The following PHF14 variants were observed in gnomAD, a reference collection of about 807,000 sequenced individuals.
PHF14 encodes PHD finger protein 14.
A neutral mutation model predicts 117.9 loss-of-function variants in PHF14; 55 were observed. The observed-to-expected ratio is 0.47, with a 90% CI of 0.38 to 0.58. The LOEUF is 0.58. PHF14 is among the 20% of genes least tolerant of loss of function. PHF14 has a pLI of 0.00. For missense variants in PHF14, 978 were observed against 1,122.2 expected, an observed-to-expected ratio of 0.87 and a Z score of 1.84; for synonymous variants, 409 against 368.6, an observed-to-expected ratio of 1.11 and a Z score of -1.26.
intron 4 of PHF14, among the ~76,000 whole-genome samples, chr7:11,007,205 AGAAAG>A (rs1254723491): frequency 6.6e-6 from 1 of 152,088 alleles, no homozygotes; most frequent in Non-Finnish European, 1.5e-5. Context: ...CAAAAAAAAA[AGAAAG>A]AAAAGAAAAG....
chr7:11,024,163 A>C (rs1159976882), intron 6 of PHF14, among the ~76,000 whole-genome samples: 1 of 152,198 alleles, frequency 6.6e-6, no homozygotes, highest in African/African-American at 2.4e-5. Flanking sequence ...ACATTCCCTT[A>C]AGCCAAAACC....
intron 16 of PHF14, among the ~76,000 whole-genome samples, chr7:11,065,785 T>C (rs951649681): frequency 1.3e-5 from 2 of 152,140 alleles, no homozygotes; most frequent in African/African-American, 4.8e-5. Flanking sequence ...AAACCTCAAA[T>C]TTTATCTTAA....
intron 16 of PHF14, among the ~76,000 whole-genome samples, chr7:11,068,841 A>G (rs751047005): frequency 1.3e-5 from 2 of 152,152 alleles, no homozygotes; most frequent in Non-Finnish European, 1.5e-5. Flanking sequence ...GCATCTTTCA[A>G]TTTATGATCA....
chr7:11,025,217 C>T (rs1259996910), intron 6 of PHF14, among the ~76,000 whole-genome samples: 1 of 152,120 alleles, frequency 6.6e-6, no homozygotes, highest in Non-Finnish European at 1.5e-5. Flanking sequence ...AAAATTTGAA[C>T]AGATGAGAAG....
rs1321671617 is a variant in PHF14 at position 11,028,311 on chromosome 7, ATTG to A, written c.1318-367_1318-365del. On this transcript the variant is annotated intron_variant, in intron 6 of 17. Coordinates refer to ENST00000634607, the MANE Select transcript of PHF14 (RefSeq NM_001007157.2). Reference sequence around the variant, plus strand: ...AAAGTGTGGATTCTGCTGAGCGTGTATTGTTTTTGCAACATTGTAAAGTTAAAA... The same window carrying A: ...AAAGTGTGGATTCTGCTGAGCGTGTATTTTTGCAACATTGTAAAGTTAAAA... Among the ~76,000 whole-genome samples the A allele has an allele frequency of 1.1e-4, 16 of 152,274 alleles. No homozygotes were observed. The East Asian group carries it at 3.1e-3, about 29-fold the overall frequency.
intron 4 of PHF14, among the ~76,000 whole-genome samples, chr7:10,998,930 A>G (rs1308509868): frequency 6.6e-6 from 1 of 152,182 alleles, no homozygotes; most frequent in African/African-American, 2.4e-5. Flanking sequence ...GTATTTTTTT[A>G]GGCCAGCACA....
chr7:11,051,779 C>G lies in PHF14; in HGVS notation c.2480C>G (p.Thr827Arg), dbSNP rs759043077. ...CCCAAGAAGATTCCGATAAGAAACACGGTAGTTTATTTTTTATTTATCATA... is the reference window on the plus strand; with the variant it reads ...CCCAAGAAGATTCCGATAAGAAACAGGGTAGTTTATTTTTTATTTATCATA... Reference protein sequence around the residue: ...PEPKKIPIRNTRTRGRKRSFV... With the variant: ...PEPKKIPIRNRRTRGRKRSFV... Residue 827 changes from threonine to arginine, a missense_variant and splice_region_variant, in exon 14 of 18, where the codon ACG becomes AGG. Coordinates refer to ENST00000634607, the MANE Select transcript of PHF14 (RefSeq NM_001007157.2). The G allele has an allele frequency of 6.2e-7, 1 of 1,611,742 alleles. No homozygotes were observed. The highest frequency in any genetic ancestry group is 8.5e-7 in the Non-Finnish European group (1 of 1,178,620).
intron 5 of PHF14, among the ~76,000 whole-genome samples, chr7:11,019,024 A>T (rs1400276955): frequency 5.3e-5 from 8 of 152,078 alleles, no homozygotes; most frequent in Admixed American, 2.0e-4. Context: ...CATCCTGTTG[A>T]TGTGATATAT....
At chr7:11,024,093 C>G (rs1459595850) in intron 6 of PHF14, among the ~76,000 whole-genome samples, 1 of 152,150 alleles carries the variant, frequency 6.6e-6, no homozygotes, top group Non-Finnish European at 1.5e-5. Flanking sequence ...GAAAGTGAAG[C>G]TGCCTTATTG....
chr7:10,982,996 G>T lies in PHF14; in HGVS notation c.737G>T (p.Ser246Ile). The T allele has an allele frequency of 6.3e-7, 1 of 1,583,714 alleles. No homozygotes were observed. The highest frequency in any genetic ancestry group is 8.6e-7 in the Non-Finnish European group (1 of 1,165,902). ...GATGATGAAGATGAGGGAAGCGGGA[G>T]TGATGAAGACGAGAATGATGAAGGC... ...NEDDEDEGSG[S>I]DEDENDEGND... Residue 246 changes from serine to isoleucine, a missense_variant, in exon 3 of 18, where the codon AGT becomes ATT. By Grantham distance (142) the Ser-to-Ile change is moderately radical. Transcript: ENST00000634607.
intron 16 of PHF14, chr7:11,107,573 T>C (rs1787312950): frequency 1.2e-6 from 1 of 846,840 alleles, no homozygotes; most frequent in South Asian, 5.4e-5. Context: ...TCTTTAAGCA[T>C]CCAGTTTTTA....
chr7:11,071,204 T>C (rs1451567399), intron 16 of PHF14: 1 of 511,878 alleles, frequency 2.0e-6, no homozygotes, highest in African/African-American at 1.9e-5. Flanking sequence ...TACCTTAGGC[T>C]GTAACCTCTC....
intron 16 of PHF14, among the ~76,000 whole-genome samples, chr7:11,076,965 T>A (rs1785880209): frequency 6.6e-6 from 1 of 151,654 alleles, no homozygotes; most frequent in Admixed American, 6.6e-5. Context: ...ATAATACTAA[T>A]ATATATGTTG....
chr7:11,067,183 G>T (rs1583430502), intron 16 of PHF14, among the ~76,000 whole-genome samples: 1 of 152,252 alleles, frequency 6.6e-6, no homozygotes, highest in African/African-American at 2.4e-5. Context: ...AAGATATACA[G>T]TAGCCAACAA....
At chr7:11,160,202 C>T (rs1401997371) in intron 17 of PHF14, among the ~76,000 whole-genome samples, 1 of 152,132 alleles carries the variant, frequency 6.6e-6, no homozygotes, top group Non-Finnish European at 1.5e-5. Context: ...ACTTAGGCCT[C>T]CAGCTGCATC....
intron 14 of PHF14, among the ~76,000 whole-genome samples, chr7:11,057,161 C>T (rs927040706): frequency 1.3e-5 from 2 of 152,072 alleles, no homozygotes; most frequent in African/African-American, 4.8e-5. Flanking sequence ...GCCTAGTTTA[C>T]TGATATCAAA....
intron 4 of PHF14, among the ~76,000 whole-genome samples, chr7:10,996,362 T>C (rs1283966360): frequency 6.6e-6 from 1 of 152,184 alleles, no homozygotes; most frequent in Non-Finnish European, 1.5e-5. Context: ...CCTGAAGATG[T>C]TATGCAAAGA....
At chr7:11,048,392 T>C (rs1240968590) in intron 13 of PHF14, among the ~76,000 whole-genome samples, 5 of 152,108 alleles carry the variant, frequency 3.3e-5, no homozygotes, top group African/African-American at 1.2e-4. Flanking sequence ...GCCAACATGG[T>C]GAAACCCCAT....
chr7:11,071,366 T>G, intron 16 of PHF14: 2 of 461,204 alleles, frequency 4.3e-6, no homozygotes, highest in Non-Finnish European at 8.6e-6. Flanking sequence ...ATGTAGACTA[T>G]GATTATTTTT....
Sources: gnomAD v4.1 joint callset for allele counts (sites outside exome capture counted in the v4.1 genomes callset) on GRCh38, gnomAD v4.1.1 for gene constraint, MANE v1.5 for transcripts, NCBI Gene and HGNC (gene_info 2026-07-23, HGNC 2026-07-21) for gene names.